Variants in PRPF39 observed in about 807,000 individuals in gnomAD.
PRPF39 encodes the protein pre-mRNA processing factor 39, also known as pre-mRNA-processing factor 39.
In PRPF39, 27 loss-of-function variants were observed where a neutral mutation model predicts 82.1. That is an observed-to-expected ratio of 0.33 (90% CI 0.24 to 0.45). The LOEUF is 0.45. Among genes scored for constraint, PRPF39 ranks in the 20% least tolerant of loss-of-function variants. The probability of loss-of-function intolerance (pLI) is 1.00; values close to 1 mark genes in which losing one functional copy is unlikely to be tolerated. For missense variants in PRPF39, 581 were observed against 796.9 expected, an observed-to-expected ratio of 0.73 and a Z score of 3.26; for synonymous variants, 261 against 256.4, an observed-to-expected ratio of 1.02 and a Z score of -0.17.
chr14:45,108,762 TTTATTC>T (rs1291302492), intron 7 of PRPF39, among the ~76,000 whole-genome samples: 23 of 152,194 alleles, frequency 1.5e-4, no homozygotes, highest in African/African-American at 4.8e-4. Flanking sequence ...TCTGAACAAT[TTTATTC>T]TAATTGTTCA....
At chr14:45,105,916 A>G (rs1332013264) in intron 5 of PRPF39, among the ~76,000 whole-genome samples, 1 of 152,148 alleles carries the variant, frequency 6.6e-6, no homozygotes, top group Admixed American at 6.5e-5. Flanking sequence ...TTTTATGTTT[A>G]TCCAGCTTAA....
At chr14:45,114,135 A>G in intron 11 of PRPF39, 48 bp from the exon 12 acceptor site, 1 of 1,348,816 alleles carries the variant, frequency 7.4e-7, no homozygotes, top group Non-Finnish European at 1.0e-6. Flanking sequence ...TATTTAATAA[A>G]GTTTGTTTTT....
intron 10 of PRPF39, among the ~76,000 whole-genome samples, chr14:45,112,114 G>C (rs1884715497): frequency 6.6e-6 from 1 of 152,100 alleles, no homozygotes; most frequent in South Asian, 2.1e-4. Flanking sequence ...GTACTAGGAT[G>C]ATCAACTGAT....
At chr14:45,105,525 C>CTTTT (rs201816309) in intron 5 of PRPF39, among the ~76,000 whole-genome samples, 1 of 133,442 alleles carries the variant, frequency 7.5e-6, no homozygotes, top group Admixed American at 7.6e-5. Context: ...TATTTATATA[C>CTTTT]TTTTTTTTTT....
chr14:45,095,787 G>A, intron 2 of PRPF39: 1 of 572,122 alleles, frequency 1.7e-6, no homozygotes, highest in Admixed American at 3.8e-5. Flanking sequence ...AATAATTGAG[G>A]TGTAAATGTG....
chr14:45,102,501 ATAACT>A (rs762038745), intron 4 of PRPF39, 23 bp from the exon 5 acceptor site: 86 of 1,529,800 alleles, frequency 5.6e-5, no homozygotes, highest in Middle Eastern at 3.5e-4. Flanking sequence ...TCTTGGAAAG[ATAACT>A]TAAGAGTAAT....
chr14:45,093,440 T>C (rs1236537514), intron 1 of PRPF39, among the ~76,000 whole-genome samples: 1 of 152,106 alleles, frequency 6.6e-6, no homozygotes, highest in Non-Finnish European at 1.5e-5. Flanking sequence ...GACAGGCTGG[T>C]CTTGAACTCC....
intron 1 of PRPF39, among the ~76,000 whole-genome samples, chr14:45,087,811 T>A (rs1341683902): frequency 6.7e-6 from 1 of 149,142 alleles, no homozygotes. Flanking sequence ...ATGGTCTCTA[T>A]CTCCTGACCT....
rs1440250406 is a variant in PRPF39, at chr14:45,102,510, G to T, written c.570-19G>T. The T allele has an allele frequency of 1.3e-6, 2 of 1,558,380 alleles. No homozygotes were observed. The highest frequency in any genetic ancestry group is 1.7e-6 in the Non-Finnish European group (2 of 1,153,018). On this transcript the variant is annotated intron_variant, in intron 4 of 13. Coordinates refer to ENST00000355765, the MANE Select transcript of PRPF39 (RefSeq NM_017922.4). ...ATTTTATCTTGGAAAGATAACTTAAGAGTAATTTAATTTTTCAGAACTTTT... is the reference window on the plus strand; with the variant it reads ...ATTTTATCTTGGAAAGATAACTTAATAGTAATTTAATTTTTCAGAACTTTT...
At chr14:45,103,749 A>G (rs1374957411) in intron 5 of PRPF39, among the ~76,000 whole-genome samples, 1 of 152,210 alleles carries the variant, frequency 6.6e-6, no homozygotes, top group Non-Finnish European at 1.5e-5. Flanking sequence ...GAATTGGCAT[A>G]TGGAAATGCT....
At chr14:45,105,581 C>T (rs1028076406) in intron 5 of PRPF39, among the ~76,000 whole-genome samples, 1 of 144,954 alleles carries the variant, frequency 6.9e-6, no homozygotes, top group South Asian at 2.2e-4. Context: ...GGCTGGATTG[C>T]AGTGGTGCAG....
chr14:45,096,342 TCAAA>T (rs1884202573), intron 3 of PRPF39, 114 bp downstream of exon 3: 3 of 1,527,338 alleles, frequency 2.0e-6, no homozygotes, highest in Admixed American at 2.0e-5. Flanking sequence ...CCATTTATGG[TCAAA>T]CAATTTTTAT....
chr14:45,107,056 T>C (rs2139060237), intron 5 of PRPF39, among the ~76,000 whole-genome samples: 1 of 152,326 alleles, frequency 6.6e-6, no homozygotes, highest in East Asian at 1.9e-4. Context: ...CTGTAACTTT[T>C]ATGTCTTTGT....
chr14:45,088,333 A>G, intron 1 of PRPF39: 1 of 163,054 alleles, frequency 6.1e-6, no homozygotes, highest in South Asian at 1.6e-4. Flanking sequence ...TTAAAAAGCA[A>G]ACTTTGCCCA....
chr14:45,085,758 A>G (rs1291481823), intron 1 of PRPF39, among the ~76,000 whole-genome samples: 9 of 152,072 alleles, frequency 5.9e-5, no homozygotes, highest in Non-Finnish European at 1.5e-5. Flanking sequence ...TACATCCCAA[A>G]TCTCCAGATT....
At chr14:45,112,574 TTAG>T in intron 11 of PRPF39, 72 bp downstream of exon 11, 1 of 1,307,248 alleles carries the variant, frequency 7.6e-7, no homozygotes, top group Non-Finnish European at 9.9e-7. Flanking sequence ...GATTTGATGA[TTAG>T]TATAGATTAA....
rs1310042349 is a variant in PRPF39 at position 45,109,600 on chromosome 14, T to A, written c.1012-16T>A. The A allele has an allele frequency of 6.3e-7, 1 of 1,589,710 alleles. No homozygotes were observed. The highest frequency in any genetic ancestry group is 8.6e-7 in the Non-Finnish European group (1 of 1,167,632). On this transcript the variant is annotated splice_polypyrimidine_tract_variant and intron_variant, in intron 7 of 13. Coordinates refer to ENST00000355765, the MANE Select transcript of PRPF39 (RefSeq NM_017922.4). ...TATTGGTTTACTTTCATTGGCATGT[T>A]ACAATTTCATTTCAGATTAAAAGAC... is the stretch of plus-strand genomic sequence containing the variant.
chr14:45,115,291 CTTT>C lies in PRPF39; in HGVS notation c.*394_*396del, dbSNP rs369629100. Reference sequence around the variant, plus strand: ...CACATAAGGGCTGGTTATTTACCTCCTTTTTTTTTTTTTTTTTTAAAGAAAAAA... The same window carrying C: ...CACATAAGGGCTGGTTATTTACCTCCTTTTTTTTTTTTTTTAAAGAAAAAA... On this transcript the variant is annotated 3_prime_UTR_variant, in exon 14 of 14. Coordinates refer to ENST00000355765, the MANE Select transcript of PRPF39 (RefSeq NM_017922.4). The C allele has an allele frequency of 1.4e-3, 185 of 132,608 alleles. 1 individual carries two copies. The highest frequency in any genetic ancestry group is 4.7e-3 in the African/African-American group (173 of 36,618). The allele number at this position is 132,608 out of a possible 1,614,324, so 8.2% of individuals were successfully genotyped here. A position where few individuals can be genotyped will look rare whatever the true frequency, so the allele number is the denominator to read the frequency against.
At chr14:45,086,037 G>A (rs1466560593) in intron 1 of PRPF39, among the ~76,000 whole-genome samples, 2 of 152,008 alleles carry the variant, frequency 1.3e-5, no homozygotes, top group Middle Eastern at 3.5e-3. Context: ...TCCGCCTCCC[G>A]GGTTCAAGTC....
Sources: gnomAD v4.1 joint callset for allele counts (sites outside exome capture counted in the v4.1 genomes callset) on GRCh38, gnomAD v4.1.1 for gene constraint, MANE v1.5 for transcripts, NCBI Gene and HGNC (gene_info 2026-07-23, HGNC 2026-07-21) for gene names.